The following SNRNP48 variants were observed in gnomAD, a reference collection of about 807,000 sequenced individuals.
SNRNP48 encodes U11/U12 small nuclear ribonucleoprotein 48 kDa protein.
SNRNP48 carries 43 observed loss-of-function variants against 47.0 expected under a neutral mutation model. The observed-to-expected ratio is 0.92, with a 90% CI of 0.72 to 1.18. SNRNP48 has a LOEUF of 1.18. Ranked by LOEUF, SNRNP48 falls within the 50% of genes most tolerant of loss-of-function variation. The pLI is 0.00. For synonymous variants in SNRNP48, 138 were observed against 144.0 expected (o/e 0.96, Z 0.30); for missense variants, 396 against 422.2 (o/e 0.94, Z 0.54).
In SNRNP48 at chr6:7,610,225, A is replaced by C. The variant is rs1230903331; in HGVS notation, c.*1352A>C. The C allele has an allele frequency of 6.6e-6, 1 of 152,230 alleles. No homozygotes were observed. The highest frequency in any genetic ancestry group is 2.4e-5 in the African/African-American group (1 of 41,466). The allele number at this position is 152,230 out of a possible 1,614,324, so 9.4% of individuals were successfully genotyped here. On this transcript the variant is annotated 3_prime_UTR_variant, in exon 9 of 9. Transcript: ENST00000342415. ...GATTTTGTTTCCAAGTAGAAATGAA[A>C]TCTTATTATTTTAATAAGTAGCTGA...
Position 7,609,078 on chromosome 6 carries a change from T to C in SNRNP48, c.*205T>C, listed in dbSNP as rs905915658. 3.2e-6 allele frequency: 1 copy of C among 310,426 alleles called. No homozygotes were observed. The highest frequency in any genetic ancestry group is 6.1e-6 in the Non-Finnish European group (1 of 164,686). 19.2% of individuals were successfully genotyped at this position (310,426 alleles called of 1,614,324 possible). A position where few individuals can be genotyped will look rare whatever the true frequency, so the allele number is the denominator to read the frequency against. ...CACTATTAGGCCCTACAACTTTGTT[T>C]TCCTTATATTTTATTAGATGATTTG... On this transcript the variant is annotated 3_prime_UTR_variant, in exon 9 of 9. Transcript: ENST00000342415.
At chr6:7,591,657 T>C (rs537461287) in intron 1 of SNRNP48, among the ~76,000 whole-genome samples, 41 of 152,352 alleles carry the variant, frequency 2.7e-4, no homozygotes, top group African/African-American at 9.6e-4. Context: ...TGCGGTAACA[T>C]TGGATTCCTT....
chr6:7,593,879 A>G (rs1561710953), intron 2 of SNRNP48, 32 bp downstream of exon 2: 2 of 1,412,018 alleles, frequency 1.4e-6, no homozygotes, highest in Admixed American at 2.3e-5. Flanking sequence ...ATATATACAT[A>G]TATGTCATGC....
chr6:7,598,893 A>T (rs1012166733), intron 4 of SNRNP48, among the ~76,000 whole-genome samples: 1 of 152,224 alleles, frequency 6.6e-6, no homozygotes, highest in East Asian at 1.9e-4. Context: ...TTTAACCAAG[A>T]TATTTCAATC....
intron 1 of SNRNP48, among the ~76,000 whole-genome samples, chr6:7,591,457 AG>A (rs1259875252): frequency 6.6e-6 from 1 of 152,194 alleles, no homozygotes; most frequent in Non-Finnish European, 1.5e-5. Flanking sequence ...CCTGGGTTTA[AG>A]TTACATGACT....
chr6:7,603,305 G>A (rs1471034018), intron 6 of SNRNP48, among the ~76,000 whole-genome samples: 2 of 152,026 alleles, frequency 1.3e-5, no homozygotes, highest in Non-Finnish European at 2.9e-5. Flanking sequence ...TAGTCTCTTG[G>A]TGTATGTCTA....
intron 1 of SNRNP48, 104 bp from the exon 2 acceptor site, chr6:7,593,630 G>GCA: frequency 1.6e-6 from 1 of 607,936 alleles, no homozygotes. Context: ...AGAAGAGGAT[G>GCA]CACTATACAG....
At chr6:7,600,876 T>C (rs1446406957) in intron 4 of SNRNP48, 1 of 152,298 alleles carries the variant, frequency 6.6e-6, no homozygotes, top group Non-Finnish European at 1.5e-5. Context: ...CAAAAAGATA[T>C]TTTTTACACA....
At chr6:7,593,871 A>G (rs1456863056) in intron 2 of SNRNP48, 24 bp downstream of exon 2, 3 of 1,424,204 alleles carry the variant, frequency 2.1e-6, no homozygotes, top group Non-Finnish European at 2.9e-6. Context: ...ACTATATTAT[A>G]TATACATATA....
At chr6:7,594,043 G>T (rs1759862590) in intron 2 of SNRNP48, 56 bp from the exon 3 acceptor site, 1 of 1,138,324 alleles carries the variant, frequency 8.8e-7, no homozygotes, top group African/African-American at 1.6e-5. Flanking sequence ...TTTAGGTCAA[G>T]TCTTAAAATA....
At chr6:7,599,611 A>G (rs1197110715) in intron 4 of SNRNP48, 14 of 985,622 alleles carry the variant, frequency 1.4e-5, no homozygotes, top group African/African-American at 3.4e-5. Context: ...AGAAATATCT[A>G]TGTTCCGAAT....
At chr6:7,598,083 G>A (rs1231880282) in intron 4 of SNRNP48, among the ~76,000 whole-genome samples, 3 of 151,362 alleles carry the variant, frequency 2.0e-5, no homozygotes, top group Non-Finnish European at 4.4e-5. Context: ...TAGCCACGAT[G>A]GTCTCGATCT....
At chr6:7,596,638 G>T (rs1759909172) in intron 4 of SNRNP48, among the ~76,000 whole-genome samples, 1 of 152,308 alleles carries the variant, frequency 6.6e-6, no homozygotes. Context: ...ACAGCCAGAA[G>T]CACATTTCTT....
At position 7,603,163 on chromosome 6, in the gene SNRNP48, T is replaced by G. The variant is rs1441537715; in HGVS notation, c.717+419T>G. 2.0e-5 allele frequency among the ~76,000 whole-genome samples: 3 copies of G among 152,204 alleles called. No individual in the cohort carries two copies. In the East Asian group the frequency reaches 5.8e-4, roughly 29 times the overall value. ...TTGCAGGGTTGTTATGAGAATTGAC[T>G]GACAGAATGTATGCAAACACAAATT... On this transcript the variant is annotated intron_variant, in intron 6 of 8. Coordinates refer to ENST00000342415, the MANE Select transcript of SNRNP48 (RefSeq NM_152551.4).
intron 8 of SNRNP48, among the ~76,000 whole-genome samples, chr6:7,607,731 G>A (rs1253416336): frequency 1.3e-5 from 2 of 152,172 alleles, no homozygotes; most frequent in East Asian, 3.9e-4. Context: ...GGCAAGGTCT[G>A]TATCTTACTT....
chr6:7,595,369 T>C (rs1034648590), intron 4 of SNRNP48, among the ~76,000 whole-genome samples: 1 of 129,354 alleles, frequency 7.7e-6, no homozygotes. Context: ...GAGATTGTCT[T>C]GTGGCTAATT....
At chr6:7,607,929 T>A (rs892142061) in intron 8 of SNRNP48, among the ~76,000 whole-genome samples, 22 of 152,366 alleles carry the variant, frequency 1.4e-4, no homozygotes, top group African/African-American at 4.8e-4. Flanking sequence ...AATGAAATAT[T>A]TGCTTAGTAA....
At chr6:7,601,046 A>G (rs1407035789) in intron 4 of SNRNP48, 1 of 223,890 alleles carries the variant, frequency 4.5e-6, no homozygotes, top group Non-Finnish European at 8.6e-6. Context: ...TTCTTAGAGC[A>G]AATTGTCTCT....
At position 7,602,701 on chromosome 6, in the gene SNRNP48, A is replaced by T; in HGVS notation, c.674A>T (p.Tyr225Phe). ...GATTATAAAAGAAGACGCCAGTCCT[A>T]TAGAGCCAAGAATGTTCACATAACC... is the stretch of plus-strand genomic sequence containing the variant. ...VRDYKRRRQS[Y>F]RAKNVHITKK... Residue 225 changes from tyrosine to phenylalanine, a missense_variant, in exon 6 of 9, where the codon TAT (tyrosine) becomes TTT (phenylalanine). Coordinates refer to ENST00000342415, the MANE Select transcript of SNRNP48 (RefSeq NM_152551.4). The T allele has an allele frequency of 6.2e-7, 1 of 1,601,644 alleles. No homozygotes were observed. The highest frequency in any genetic ancestry group is 8.5e-7 in the Non-Finnish European group (1 of 1,174,838).
Sources: allele counts gnomAD v4.1 joint callset (sites outside exome capture counted in the v4.1 genomes callset), GRCh38; gene constraint gnomAD v4.1.1; transcripts MANE v1.5; gene names NCBI Gene and HGNC (gene_info 2026-07-23, HGNC 2026-07-21).